Variants in SIN3A observed in about 807,000 individuals in gnomAD.
SIN3A encodes SIN3 transcription regulator family member A, also known as paired amphipathic helix protein Sin3a.
In SIN3A, 14 loss-of-function variants were observed where a neutral mutation model predicts 146.1. The observed-to-expected ratio is 0.10, with a 90% CI of 0.06 to 0.15. The LOEUF is 0.15. Among genes scored for constraint, SIN3A ranks in the 10% least tolerant of loss-of-function variants. The probability of loss-of-function intolerance (pLI) is 1.00; values close to 1 mark genes in which losing one functional copy is unlikely to be tolerated. For synonymous variants in SIN3A, 572 were observed against 572.0 expected (o/e 1.00, Z 0.00); for missense variants, 1,028 against 1,576.0 (o/e 0.65, Z 5.89).
rs1595882860 is a variant in SIN3A at position 75,370,609 on chromosome 15, T to A, written c.*1370A>T. On this transcript the variant is annotated 3_prime_UTR_variant, in exon 21 of 21. Coordinates refer to ENST00000394947, the MANE Select transcript of SIN3A (RefSeq NM_001145358.2). ...GGTATACCACATGCCTTATGCACAC[T>A]TTTTTTTCAAACACTGGTTTGGTAT... 1 of 152,204 alleles carries A rather than the reference T, an allele frequency of 6.6e-6. No individual in the cohort carries two copies. Among genetic ancestry groups the A allele is most frequent in the South Asian group, 2.1e-4 (1 of 4,822 alleles). The allele number at this position is 152,204 out of a possible 1,614,324, so 9.4% of individuals were successfully genotyped here.
intron 16 of SIN3A, among the ~76,000 whole-genome samples, chr15:75,386,029 C>CT (rs1164795600): frequency 6.6e-6 from 1 of 152,152 alleles, no homozygotes; most frequent in Non-Finnish European, 1.5e-5. Context: ...CCACTTTCTA[C>CT]TTTCTTTTTG....
chr15:75,455,398 T>C (rs2074475107), upstream of SIN3A, among the ~76,000 whole-genome samples: 1 of 152,112 alleles, frequency 6.6e-6, no homozygotes, highest in Admixed American at 6.5e-5. Context: ...GTATTTTTCT[T>C]TTTAAAAAAA....
chr15:75,437,219 C>A (rs1422751642), intron 1 of SIN3A, among the ~76,000 whole-genome samples: 2 of 151,330 alleles, frequency 1.3e-5, no homozygotes, highest in Non-Finnish European at 2.9e-5. Context: ...GTCCACCAGG[C>A]TGGAGTGCAG....
upstream of SIN3A, among the ~76,000 whole-genome samples, chr15:75,452,264 C>G (rs1326186065): frequency 6.6e-6 from 1 of 152,234 alleles, no homozygotes; most frequent in Non-Finnish European, 1.5e-5. Flanking sequence ...GGAGCTAATT[C>G]CACCCTGCGC....
At position 75,385,920 on chromosome 15, in the gene SIN3A, T is replaced by C. The variant is rs536583098; in HGVS notation, c.3022-1483A>G. 2.0e-5 allele frequency among the ~76,000 whole-genome samples: 3 copies of C among 152,316 alleles called. No individual in the cohort carries two copies. In the East Asian group the frequency reaches 5.8e-4, roughly 29 times the overall value. ...TAAAATAATGCTTATGAGTACCTGA[T>C]ATCATGAGGAAGATTAAGATACAGT... On this transcript the variant is annotated intron_variant, in intron 16 of 20. Transcript: ENST00000394947.
chr15:75,376,134 CTCTG>C, intron 19 of SIN3A: 2 of 525,916 alleles, frequency 3.8e-6, no homozygotes, highest in South Asian at 4.6e-5. Context: ...ACTTCTAGGC[CTCTG>C]TCTGTAAATT....
intron 2 of SIN3A, among the ~76,000 whole-genome samples, chr15:75,428,768 G>A (rs1362180661): frequency 6.6e-6 from 1 of 152,052 alleles, no homozygotes; most frequent in East Asian, 1.9e-4. Flanking sequence ...CAACTGTTGG[G>A]ATTATGGGTG....
chr15:75,389,584 C>T, intron 16 of SIN3A, 68 bp downstream of exon 16: 2 of 1,520,372 alleles, frequency 1.3e-6, no homozygotes, highest in Non-Finnish European at 1.8e-6. Context: ...CTTTCCTTTT[C>T]CTTGCGTGGC....
intron 18 of SIN3A, 27 bp downstream of exon 18, chr15:75,381,586 T>TG (rs2072971251): frequency 6.4e-7 from 1 of 1,563,914 alleles, no homozygotes; most frequent in Admixed American, 1.7e-5. Flanking sequence ...GCTTGGCACC[T>TG]GGGGTCTGTG....
chr15:75,448,410 C>A (rs2074345864), intron 1 of SIN3A, among the ~76,000 whole-genome samples: 1 of 151,350 alleles, frequency 6.6e-6, no homozygotes, highest in Admixed American at 6.6e-5. Flanking sequence ...AGGACAATCG[C>A]TAGAACCCGG....
intron 15 of SIN3A, among the ~76,000 whole-genome samples, chr15:75,391,460 G>A (rs2073197316): frequency 2.7e-5 from 4 of 148,720 alleles, no homozygotes; most frequent in African/African-American, 7.5e-5. Flanking sequence ...TCAACAGATA[G>A]AAAGCTAGGG....
At chr15:75,445,759 GAAAAAAA>G (rs774883850) in intron 1 of SIN3A, among the ~76,000 whole-genome samples, 13 of 86,462 alleles carry the variant, frequency 1.5e-4, no homozygotes, top group African/African-American at 3.0e-4. Flanking sequence ...TCAAAAAAAA[GAAAAAAA>G]AAAAAAAAAA....
At chr15:75,442,142 A>AAC (rs2074225294) in intron 1 of SIN3A, among the ~76,000 whole-genome samples, 1 of 149,280 alleles carries the variant, frequency 6.7e-6, no homozygotes, top group Non-Finnish European at 1.5e-5. Context: ...AAAAAAAAAA[A>AAC]AAAAAAAAAA....
intron 6 of SIN3A, 83 bp from the exon 7 acceptor site, chr15:75,410,369 A>G: frequency 7.4e-7 from 1 of 1,356,792 alleles, no homozygotes; most frequent in Admixed American, 1.9e-5. Flanking sequence ...AATCACTGTT[A>G]TCTATTTAGG....
At chr15:75,449,845 A>ATCTCGGCTCACTGCAC (rs1464462683) in intron 1 of SIN3A, among the ~76,000 whole-genome samples, 1 of 152,220 alleles carries the variant, frequency 6.6e-6, no homozygotes, top group African/African-American at 2.4e-5. Context: ...CAATGGCACC[A>ATCTCGGCTCACTGCAC]TCTCGGCTCA....
intron 9 of SIN3A, 128 bp downstream of exon 9, chr15:75,406,927 G>A: frequency 1.7e-6 from 1 of 578,792 alleles, no homozygotes; most frequent in Non-Finnish European, 3.0e-6. Context: ...TCACAACTGG[G>A]AAACTATGTT....
intron 1 of SIN3A, among the ~76,000 whole-genome samples, chr15:75,442,504 T>C (rs940988183): frequency 6.6e-6 from 1 of 151,198 alleles, no homozygotes; most frequent in Non-Finnish European, 1.5e-5. Context: ...GAAAATCACA[T>C]TCTAGCTGGA....
At chr15:75,435,258 T>A (rs2074086381) in intron 1 of SIN3A, among the ~76,000 whole-genome samples, 1 of 152,110 alleles carries the variant, frequency 6.6e-6, no homozygotes, top group South Asian at 2.1e-4. Context: ...CTGCTGAGTA[T>A]ATTTATTGCA....
Position 75,392,713 on chromosome 15 carries a change from T to C in SIN3A, c.2380A>G (p.Ile794Val), listed in dbSNP as rs779075582. The C allele has an allele frequency of 6.2e-7, 1 of 1,614,206 alleles. No individual in the cohort carries two copies. Among genetic ancestry groups the C allele is most frequent in the South Asian group, 1.1e-5 (1 of 91,086 alleles). ...KQILEDAAAL[I>V]IHHVKRQTGI... Reference sequence around the variant, plus strand: ...GTCTGCCTCTTCACATGGTGGATAATCAGAGCAGCAGCATCTTCCAGTATT... The same window carrying C: ...GTCTGCCTCTTCACATGGTGGATAACCAGAGCAGCAGCATCTTCCAGTATT... Residue 794 changes from isoleucine to valine, a missense_variant, in exon 15 of 21, where the codon ATT (isoleucine) becomes GTT (valine). Physicochemically the swap from Ile to Val is conservative, Grantham distance 29. Transcript: ENST00000394947.
Sources: allele counts gnomAD v4.1 joint callset (sites outside exome capture counted in the v4.1 genomes callset), GRCh38; gene constraint gnomAD v4.1.1; transcripts MANE v1.5; gene names NCBI Gene and HGNC (gene_info 2026-07-23, HGNC 2026-07-21).